VPS13B: variants seen among roughly 807,000 people sequenced by gnomAD.
VPS13B encodes intermembrane lipid transfer protein VPS13B.
Under a neutral mutation model 426.4 loss-of-function variants are expected in VPS13B, and 285 were observed. The observed-to-expected ratio is 0.67, with a 90% confidence interval of 0.61 to 0.74. The LOEUF (loss-of-function observed/expected upper bound fraction) is 0.74, where lower values mean the gene tolerates loss of function less well. VPS13B is among the 30% of genes least tolerant of loss of function. The pLI is 0.00. For synonymous variants in VPS13B, 1,676 were observed against 1,676.4 expected, an observed-to-expected ratio of 1.00 and a Z score of 0.01; for missense variants, 4,537 against 4,782.6, an observed-to-expected ratio of 0.95 and a Z score of 1.51.
At chr8:99,581,478 T>C (rs1826056240) in intron 33 of VPS13B, among the ~76,000 whole-genome samples, 7 of 152,176 alleles carry the variant, frequency 4.6e-5, no homozygotes, top group Admixed American at 4.6e-4. Context: ...GTGTTTTAGA[T>C]GGGGTGAGGC....
chr8:99,407,049 A>G (rs1482069114), intron 21 of VPS13B, among the ~76,000 whole-genome samples: 2 of 152,204 alleles, frequency 1.3e-5, no homozygotes, highest in African/African-American at 2.4e-5. Context: ...TTTGAAAACC[A>G]TATAGAGAAC....
At chr8:99,715,445 G>T (rs547787232) in intron 36 of VPS13B, among the ~76,000 whole-genome samples, 5 of 152,260 alleles carry the variant, frequency 3.3e-5, no homozygotes, top group African/African-American at 1.2e-4. Context: ...TAAAATAATG[G>T]AATTGGAGAG....
Position 99,192,926 on chromosome 8 carries a change from A to G in VPS13B, c.2384A>G (p.Asn795Ser), listed in dbSNP as rs376115412. The change falls in exon 17 of 62, where the codon AAT (asparagine) becomes AGT (serine). Residue 795 changes from asparagine to serine, a missense_variant. Asn to Ser is a conservative substitution (Grantham distance 46, BLOSUM62 1). This residue lies in a region of VPS13B where 4,311 missense variants were observed against 4,474.3 expected (regional missense o/e 0.96). Coordinates refer to ENST00000357162, the MANE Select transcript of VPS13B (RefSeq NM_152564.5). ...ACTGAAGGTATATTTGAACTTCCAA[A>G]TCTCACAATTCAAGCTACAAGAGCA... ...AITEGIFELPNLTIQATRAQT... is the reference protein window; with the variant it reads ...AITEGIFELPSLTIQATRAQT... The G allele has an allele frequency of 2.5e-6, 4 of 1,613,608 alleles. No individual in the cohort carries two copies. The East Asian group carries it at 6.7e-5, about 27-fold the overall frequency.
At position 99,720,656 on chromosome 8, in the gene VPS13B, G is replaced by A. The variant is rs542157455; in HGVS notation, c.6865+104G>A. The stretch of plus-strand genomic sequence containing the variant: ...CAATCAAGATGGCTTTTTAAAGTGC[G>A]TTAAAATTTGCAGTACAAAAATAGT... On this transcript the variant is annotated intron_variant, in intron 38 of 61. Transcript: ENST00000357162. The A allele has an allele frequency of 3.2e-5, 42 of 1,323,702 alleles. No individual in the cohort carries two copies. In the East Asian group the frequency reaches 3.7e-4, roughly 12 times the overall value. The allele number at this position is 1,323,702 out of a possible 1,614,324, so 82.0% of individuals were successfully genotyped here. A position where few individuals can be genotyped will look rare whatever the true frequency, so the allele number is the denominator to read the frequency against.
intron 19 of VPS13B, chr8:99,340,204 T>G (rs540630573): frequency 5.9e-6 from 1 of 170,484 alleles, no homozygotes; most frequent in African/African-American, 2.4e-5. Flanking sequence ...GTTGCTTTTG[T>G]GCTCTGGGTA....
chr8:99,394,241 T>A (rs534646244), intron 21 of VPS13B, among the ~76,000 whole-genome samples: 2 of 152,330 alleles, frequency 1.3e-5, no homozygotes, highest in East Asian at 3.9e-4. Flanking sequence ...ATTTATATCA[T>A]CACAGCCTAT....
Position 99,136,657 on chromosome 8 carries a change from G to A in VPS13B, c.1564-8G>A. The A allele has an allele frequency of 6.2e-7, 1 of 1,613,358 alleles. No individual in the cohort carries two copies. The highest frequency in any genetic ancestry group is 1.3e-5 in the African/African-American group (1 of 75,016). On this transcript the variant is annotated splice_polypyrimidine_tract_variant and splice_region_variant and intron_variant, in intron 11 of 61. Coordinates refer to ENST00000357162, the MANE Select transcript of VPS13B (RefSeq NM_152564.5). Reference sequence around the variant, plus strand: ...ATGTTTATTCTGTTTGCATTGCTTTGTTGGCAGGAGACATACACTGAGATA... The same window carrying A: ...ATGTTTATTCTGTTTGCATTGCTTTATTGGCAGGAGACATACACTGAGATA...
intron 35 of VPS13B, among the ~76,000 whole-genome samples, chr8:99,662,734 C>G (rs1001830611): frequency 7.3e-5 from 11 of 151,642 alleles, no homozygotes; most frequent in Non-Finnish European, 1.3e-4. Context: ...AGGTGTGAAC[C>G]ACTGCTCCTG....
rs369888021 is a variant in VPS13B at position 99,068,189 on chromosome 8, A to G, written c.292-28123A>G. ...TAGTCTTTCATTAGAACTGTTAAGG[A>G]ATAACAGAAGAAATACCTTGTCTTC... On this transcript the variant is annotated intron_variant, in intron 3 of 61. Coordinates refer to ENST00000357162, the MANE Select transcript of VPS13B (RefSeq NM_152564.5). 1.4e-4 allele frequency among the ~76,000 whole-genome samples: 22 copies of G among 152,296 alleles called. No individual in the cohort carries two copies. The East Asian group carries it at 3.5e-3, about 24-fold the overall frequency.
intron 39 of VPS13B, among the ~76,000 whole-genome samples, chr8:99,726,648 T>C (rs1833361815): frequency 6.6e-6 from 1 of 152,168 alleles, no homozygotes; most frequent in Non-Finnish European, 1.5e-5. Flanking sequence ...AATACAATGA[T>C]AAGGGAACAG....
At chr8:99,371,895 A>T (rs192610334) in intron 19 of VPS13B, among the ~76,000 whole-genome samples, 10 of 152,270 alleles carry the variant, frequency 6.6e-5, no homozygotes, top group Admixed American at 1.3e-4. Flanking sequence ...TTAGATGTAA[A>T]ACCCAAAATC....
chr8:99,044,270 A>G (rs1026954072), intron 3 of VPS13B, among the ~76,000 whole-genome samples: 2 of 151,238 alleles, frequency 1.3e-5, no homozygotes, highest in Non-Finnish European at 2.9e-5. Context: ...TTTTTAGTAG[A>G]GACGGGGTTT....
chr8:99,389,643 T>G (rs1041394408), intron 20 of VPS13B: 1 of 152,188 alleles, frequency 6.6e-6, no homozygotes, highest in Non-Finnish European at 1.5e-5. Flanking sequence ...GTCTTCATGT[T>G]GAATAGTAGA....
intron 3 of VPS13B, among the ~76,000 whole-genome samples, chr8:99,088,882 C>G (rs1238165652): frequency 1.3e-5 from 2 of 152,146 alleles, no homozygotes; most frequent in Non-Finnish European, 2.9e-5. Flanking sequence ...GGCATGTTAC[C>G]TTGCCTTGTT....
intron 17 of VPS13B, among the ~76,000 whole-genome samples, chr8:99,271,905 T>G (rs1415975982): frequency 2.0e-5 from 3 of 152,086 alleles, no homozygotes; most frequent in African/African-American, 7.2e-5. Flanking sequence ...GGGGTTTGGG[T>G]GGGGACACAA....
chr8:99,287,536 C>T (rs914782520), intron 19 of VPS13B, among the ~76,000 whole-genome samples: 53 of 151,914 alleles, frequency 3.5e-4, no homozygotes, highest in African/African-American at 1.2e-3. Context: ...GTAATAATGA[C>T]ATCATCTAAT....
intron 6 of VPS13B, among the ~76,000 whole-genome samples, chr8:99,113,198 A>G (rs940963721): frequency 3.3e-5 from 5 of 152,032 alleles, no homozygotes; most frequent in African/African-American, 1.2e-4. Flanking sequence ...TCCTGGGGTC[A>G]AGCGATCCTT....
At chr8:99,255,155 T>A (rs1040183146) in intron 17 of VPS13B, among the ~76,000 whole-genome samples, 1 of 152,144 alleles carries the variant, frequency 6.6e-6, no homozygotes, top group Admixed American at 6.5e-5. Context: ...GGAACCCATT[T>A]ATTGAGTTTC....
At chr8:99,614,321 A>G (rs1827977890) in intron 33 of VPS13B, among the ~76,000 whole-genome samples, 1 of 152,134 alleles carries the variant, frequency 6.6e-6, no homozygotes, top group Admixed American at 6.5e-5. Context: ...CTTGTTGCAC[A>G]GGCTGGAGTG....
Sources: gnomAD v4.1 joint callset for allele counts (sites outside exome capture counted in the v4.1 genomes callset) on GRCh38, gnomAD v4.1.1 for gene constraint, gnomAD v4.1.1 regional missense constraint, MANE v1.5 for transcripts, NCBI Gene and HGNC (gene_info 2026-07-23, HGNC 2026-07-21) for gene names.